MYO5A: variants seen among roughly 807,000 people sequenced by gnomAD.
MYO5A encodes the protein unconventional myosin-Va.
MYO5A carries 98 observed loss-of-function variants against 249.7 expected under a neutral mutation model. That is an observed-to-expected ratio of 0.39 (90% CI 0.33 to 0.46). The LOEUF is 0.46. Among genes scored for constraint, MYO5A ranks in the 20% least tolerant of loss-of-function variants. The pLI is 0.98. For synonymous variants in MYO5A, 778 were observed against 810.6 expected (o/e 0.96, Z 0.68); for missense variants, 1,696 against 2,308.8 (o/e 0.73, Z 5.44).
At chr15:52,340,471 C>A in intron 31 of MYO5A, 77 bp from the exon 32 acceptor site, 1 of 1,268,124 alleles carries the variant, frequency 7.9e-7, no homozygotes, top group South Asian at 1.2e-5. Flanking sequence ...GCATCGTGTT[C>A]ACTTGCAAGA....
At chr15:52,512,623 A>C (rs2077415335) in intron 1 of MYO5A, among the ~76,000 whole-genome samples, 1 of 152,168 alleles carries the variant, frequency 6.6e-6, no homozygotes, top group Non-Finnish European at 1.5e-5. Flanking sequence ...GCATTTCAAA[A>C]TGTTCCAAAA....
At chr15:52,464,846 G>C (rs1292986525) in intron 1 of MYO5A, among the ~76,000 whole-genome samples, 1 of 152,178 alleles carries the variant, frequency 6.6e-6, no homozygotes, top group Non-Finnish European at 1.5e-5. Flanking sequence ...AGCACATCTT[G>C]TACAACTCCT....
At chr15:52,314,698 A>G (rs2037910883) in intron 40 of MYO5A, among the ~76,000 whole-genome samples, 1 of 129,434 alleles carries the variant, frequency 7.7e-6, no homozygotes, top group Non-Finnish European at 1.5e-5. Flanking sequence ...TTTTTATAAA[A>G]GATCATAAAT....
intron 27 of MYO5A, 45 bp downstream of exon 27, chr15:52,353,560 G>C: frequency 6.3e-7 from 1 of 1,576,742 alleles, no homozygotes; most frequent in Non-Finnish European, 8.7e-7. Context: ...TGGGCCTCTT[G>C]CCAAAACAAA....
chr15:52,396,224 A>G, intron 11 of MYO5A, 92 bp downstream of exon 11: 1 of 807,084 alleles, frequency 1.2e-6, no homozygotes, highest in Non-Finnish European at 2.1e-6. Context: ...TTTAATTCAC[A>G]ACTTCATTCC....
chr15:52,470,979 C>T (rs1048731611), intron 1 of MYO5A, among the ~76,000 whole-genome samples: 33 of 150,024 alleles, frequency 2.2e-4, no homozygotes, highest in Non-Finnish European at 2.2e-4. Flanking sequence ...GCCGAGATCA[C>T]GCCACTGCAT....
chr15:52,517,769 C>T (rs2077524519), intron 1 of MYO5A, among the ~76,000 whole-genome samples: 1 of 152,022 alleles, frequency 6.6e-6, no homozygotes, highest in Non-Finnish European at 1.5e-5. Flanking sequence ...TAAATTCTCA[C>T]AATACATATT....
At chr15:52,313,895 T>A (rs374369750) in intron 41 of MYO5A, 47 bp from the exon 42 acceptor site, 16 of 1,602,176 alleles carry the variant, frequency 1.0e-5, no homozygotes, top group African/African-American at 4.0e-5. Flanking sequence ...GTTCTTTGAA[T>A]CTAAAAGACT....
chr15:52,488,529 AAATT>A (rs760347744), intron 1 of MYO5A, among the ~76,000 whole-genome samples: 3 of 152,232 alleles, frequency 2.0e-5, no homozygotes, highest in Non-Finnish European at 4.4e-5. Context: ...TAAAACAACA[AAATT>A]AATTATACAA....
intron 1 of MYO5A, among the ~76,000 whole-genome samples, chr15:52,481,886 G>C (rs1401277714): frequency 6.6e-6 from 1 of 152,210 alleles, no homozygotes; most frequent in Non-Finnish European, 1.5e-5. Flanking sequence ...AAAGGTATAA[G>C]TATGTGGTTA....
intron 1 of MYO5A, among the ~76,000 whole-genome samples, chr15:52,457,521 A>G (rs1416903648): frequency 6.6e-6 from 1 of 152,128 alleles, no homozygotes; most frequent in Non-Finnish European, 1.5e-5. Flanking sequence ...GCTCAACACC[A>G]CTAATCATCA....
At chr15:52,515,910 G>C (rs1441322928) in intron 1 of MYO5A, among the ~76,000 whole-genome samples, 1 of 152,142 alleles carries the variant, frequency 6.6e-6, no homozygotes, top group Non-Finnish European at 1.5e-5. Context: ...AGCTTAAGAA[G>C]ATGAGAAAGC....
intron 4 of MYO5A, among the ~76,000 whole-genome samples, chr15:52,418,163 G>T (rs919339888): frequency 1.3e-5 from 2 of 152,174 alleles, no homozygotes; most frequent in African/African-American, 4.8e-5. Context: ...CAGCTTAGCT[G>T]GAAAATGGAG....
chr15:52,498,590 TA>T (rs2141571355), intron 1 of MYO5A, among the ~76,000 whole-genome samples: 2 of 152,366 alleles, frequency 1.3e-5, no homozygotes, highest in East Asian at 3.9e-4. Context: ...GTTTACAGGC[TA>T]AGTTTCTTTT....
In MYO5A at chr15:52,405,323, T is replaced by C; in HGVS notation, c.1017A>G (p.Gly339=). 3 of 1,613,908 alleles carry C rather than the reference T, an allele frequency of 1.9e-6. No homozygotes were observed. The highest frequency in any genetic ancestry group is 2.5e-6 in the Non-Finnish European group (3 of 1,179,810). Residue 339 remains glycine (G), a synonymous_variant, in exon 9 of 42, where the codon GGA becomes GGG. Transcript: ENST00000399233. ...LAGILHLGNV[G]FTSRDADSCT... ...AGCTGTCTGCATCTCGGGATGTAAA[T>C]CCAACATTGCCTAAGTGAAGGATGC... is the stretch of plus-strand genomic sequence containing the variant.
At chr15:52,398,253 C>T (rs1173634560) in intron 9 of MYO5A, among the ~76,000 whole-genome samples, 2 of 152,146 alleles carry the variant, frequency 1.3e-5, no homozygotes, top group South Asian at 2.1e-4. Context: ...GAATGACTTC[C>T]ATGATTTACA....
chr15:52,518,794 A>T (rs1724620), intron 1 of MYO5A, among the ~76,000 whole-genome samples: 1 of 152,144 alleles, frequency 6.6e-6, no homozygotes, highest in Non-Finnish European at 1.5e-5. Flanking sequence ...GAAACACATA[A>T]ACATGCTCAC....
chr15:52,459,147 A>ATTTTTTTTTTTTTTTTTTTTTTTT (rs531798708), intron 1 of MYO5A, among the ~76,000 whole-genome samples: 17 of 64,274 alleles, frequency 2.6e-4, no homozygotes, highest in Non-Finnish European at 3.9e-4. Context: ...TTTTCCAGAA[A>ATTTTTTTTTTTTTTTTTTTTTTTT]TTTTTTTTTT....
At chr15:52,331,433 G>C (rs1267112157) in intron 34 of MYO5A, among the ~76,000 whole-genome samples, 1 of 152,178 alleles carries the variant, frequency 6.6e-6, no homozygotes, top group Non-Finnish European at 1.5e-5. Context: ...AGCCACTGTG[G>C]AGATACACGC....
Sources: allele counts gnomAD v4.1 joint callset (sites outside exome capture counted in the v4.1 genomes callset), GRCh38; gene constraint gnomAD v4.1.1; transcripts MANE v1.5; gene names NCBI Gene and HGNC (gene_info 2026-07-23, HGNC 2026-07-21).